The following HDAC1 variants were observed in gnomAD, a reference collection of about 807,000 sequenced individuals.
The protein encoded by HDAC1 is protein deacetylase HDAC1.
In HDAC1, 18 loss-of-function variants were observed where a neutral mutation model predicts 65.5. The ratio of observed to expected loss-of-function variants is 0.27; its 90% CI spans 0.19 to 0.41. The LOEUF (loss-of-function observed/expected upper bound fraction) is 0.41. Ranked by LOEUF, HDAC1 falls within the 10% of genes least tolerant of loss-of-function variation. The probability of loss-of-function intolerance (pLI) is 1.00; values close to 1 mark genes in which losing one functional copy is unlikely to be tolerated. For synonymous variants in HDAC1, 211 were observed against 227.9 expected, an observed-to-expected ratio of 0.93 and a Z score of 0.67; for missense variants, 373 against 625.2, an observed-to-expected ratio of 0.60 and a Z score of 4.30.
At chr1:32,306,276 C>T (rs566212294) in intron 2 of HDAC1, among the ~76,000 whole-genome samples, 24 of 151,108 alleles carry the variant, frequency 1.6e-4, no homozygotes, top group East Asian at 7.8e-4. Context: ...CTGCAATCTC[C>T]GCCTCCCTAG....
At chr1:32,320,264 C>G (rs977478075) in intron 3 of HDAC1, among the ~76,000 whole-genome samples, 2 of 151,288 alleles carry the variant, frequency 1.3e-5, no homozygotes, top group Non-Finnish European at 2.9e-5. Flanking sequence ...AAACATCCCA[C>G]ACACCTAATC....
intron 1 of HDAC1, among the ~76,000 whole-genome samples, chr1:32,295,657 A>G (rs1247198476): frequency 2.0e-5 from 3 of 152,220 alleles, no homozygotes; most frequent in African/African-American, 7.2e-5. Flanking sequence ...AACACCTCCC[A>G]AAAGGCTCCA....
chr1:32,320,865 A>C (rs1456821262), intron 3 of HDAC1, among the ~76,000 whole-genome samples: 2 of 133,438 alleles, frequency 1.5e-5, no homozygotes, highest in East Asian at 4.3e-4. Flanking sequence ...GCGCCACTGC[A>C]CTCCAGCCTG....
chr1:32,305,308 G>A (rs1357140148), intron 2 of HDAC1, among the ~76,000 whole-genome samples: 2 of 152,108 alleles, frequency 1.3e-5, no homozygotes, highest in Non-Finnish European at 2.9e-5. Context: ...GAACTTTCTT[G>A]AACATGTCTC....
At chr1:32,314,901 A>G (rs1292443364) in intron 2 of HDAC1, among the ~76,000 whole-genome samples, 2 of 151,802 alleles carry the variant, frequency 1.3e-5, no homozygotes, top group Non-Finnish European at 2.9e-5. Flanking sequence ...GTCTTTATTT[A>G]GAATTTTAGT....
chr1:32,329,507 T>A lies in HDAC1; in HGVS notation c.729+347T>A, dbSNP rs1034717802. The A allele has an allele frequency of 5.4e-6, 2 of 369,612 alleles. No homozygotes were observed. Among genetic ancestry groups the A allele is most frequent in the African/African-American group, 4.1e-5 (2 of 49,138 alleles). 22.9% of individuals were successfully genotyped at this position (369,612 alleles called of 1,614,324 possible). A position where few individuals can be genotyped will look rare whatever the true frequency, so the allele number is the denominator to read the frequency against. On this transcript the variant is annotated intron_variant, in intron 7 of 13. Transcript: ENST00000373548. The surrounding 1 kb of genome is among the most constrained non-coding windows in gnomAD (Gnocchi z 4.1). The stretch of plus-strand genomic sequence containing the variant: ...GCTGCTGGGAGATTATTGTGTTCTT[T>A]TGGTAGTGGTATGTCTCCTTGGTTT...
chr1:32,327,884 G>C lies in HDAC1; in HGVS notation c.636+207G>C, dbSNP rs1641240914. On this transcript the variant is annotated intron_variant, in intron 6 of 13. Coordinates refer to ENST00000373548, the MANE Select transcript of HDAC1 (RefSeq NM_004964.3). This position sits in a 1 kb window ranked among gnomAD's most constrained non-coding sequence, Gnocchi z 6.0. ...GACATAAAGGGCCAGAGAAAGAAGAGGGGTCTCCTGACTCACTGTACTTTC... is the reference window on the plus strand; with the variant it reads ...GACATAAAGGGCCAGAGAAAGAAGACGGGTCTCCTGACTCACTGTACTTTC... 5.0e-6 allele frequency: 3 copies of C among 605,940 alleles called. No homozygotes were observed. Among genetic ancestry groups the C allele is most frequent in the Non-Finnish European group, 9.0e-6 (3 of 334,750 alleles). The allele number at this position is 605,940 out of a possible 1,614,324, so 37.5% of individuals were successfully genotyped here.
At chr1:32,309,238 A>G (rs1640955455) in intron 2 of HDAC1, among the ~76,000 whole-genome samples, 1 of 152,204 alleles carries the variant, frequency 6.6e-6, no homozygotes, top group Non-Finnish European at 1.5e-5. Context: ...GCAAACATGC[A>G]ATTTATATGC....
intron 2 of HDAC1, among the ~76,000 whole-genome samples, chr1:32,309,745 C>A (rs1421921952): frequency 2.0e-5 from 3 of 151,232 alleles, no homozygotes; most frequent in Non-Finnish European, 4.4e-5. Flanking sequence ...AGTGGCTATT[C>A]CTAGGTGAGA....
chr1:32,306,857 A>G (rs1233343040), intron 2 of HDAC1, among the ~76,000 whole-genome samples: 10 of 152,180 alleles, frequency 6.6e-5, no homozygotes, highest in Admixed American at 6.6e-4. Flanking sequence ...CATACCTCTG[A>G]TAAAGCTTAA....
intron 3 of HDAC1, among the ~76,000 whole-genome samples, chr1:32,318,447 C>A (rs2148066040): frequency 1.3e-5 from 2 of 151,854 alleles, no homozygotes; most frequent in Middle Eastern, 6.8e-3. Flanking sequence ...CCTGTGGTCC[C>A]AGCTACTCAG....
rs1007573719 is a variant in HDAC1 at position 32,294,134 on chromosome 1, T to C, written c.49+1916T>C. ...GAAGAAGGCATGGATCCCAAGTTCC[T>C]GGTGTGGGCAGTATTTTTTATTTTT... is the stretch of plus-strand genomic sequence containing the variant. On this transcript the variant is annotated intron_variant, in intron 1 of 13. Transcript: ENST00000373548. 2.3e-4 allele frequency among the ~76,000 whole-genome samples: 35 copies of C among 151,796 alleles called. 1 individual carries two copies. The highest frequency in any genetic ancestry group is 3.9e-4 in the Admixed American group (6 of 15,230).
At chr1:32,319,907 C>T (rs1367547653) in intron 3 of HDAC1, among the ~76,000 whole-genome samples, 6 of 151,748 alleles carry the variant, frequency 4.0e-5, no homozygotes, top group Non-Finnish European at 7.4e-5. Context: ...ATAGCAAGAA[C>T]TCGTCTCAAT....
At chr1:32,313,355 A>G (rs1233006484) in intron 2 of HDAC1, among the ~76,000 whole-genome samples, 1 of 152,088 alleles carries the variant, frequency 6.6e-6, no homozygotes, top group East Asian at 1.9e-4. Flanking sequence ...TCGGCCTCCC[A>G]AAGTGCTGGG....
chr1:32,302,610 C>T lies in HDAC1; in HGVS notation c.50-11C>T. 7.3e-7 allele frequency: 1 copy of T among 1,378,764 alleles called. No homozygotes were observed. The highest frequency in any genetic ancestry group is 1.0e-6 in the Non-Finnish European group (1 of 964,852). 85.4% of individuals were successfully genotyped at this position (1,378,764 alleles called of 1,614,324 possible). On this transcript the variant is annotated splice_polypyrimidine_tract_variant and intron_variant, in intron 1 of 13. Coordinates refer to ENST00000373548, the MANE Select transcript of HDAC1 (RefSeq NM_004964.3). ...ACTGTGTTAGTGAAGCTGTCACTCT[C>T]TCTTCTTCAGGGGATGTTGGAAATT...
chr1:32,298,568 T>G (rs1557599353), intron 1 of HDAC1, among the ~76,000 whole-genome samples: 2 of 152,228 alleles, frequency 1.3e-5, no homozygotes, highest in Non-Finnish European at 2.9e-5. Context: ...GTCATTACTT[T>G]GGGATTCAGA....
intron 1 of HDAC1, among the ~76,000 whole-genome samples, chr1:32,298,466 G>A (rs1187773271): frequency 6.6e-6 from 1 of 151,650 alleles, no homozygotes; most frequent in African/African-American, 2.4e-5. Context: ...TGATCCACCC[G>A]CCTCGGCCCA....
At chr1:32,309,371 T>C (rs1640957448) in intron 2 of HDAC1, among the ~76,000 whole-genome samples, 1 of 151,352 alleles carries the variant, frequency 6.6e-6, no homozygotes, top group African/African-American at 2.4e-5. Context: ...TTTCTTCTCT[T>C]TCTCTCTCTC....
chr1:32,304,684 C>T (rs990188403), intron 2 of HDAC1, among the ~76,000 whole-genome samples: 2 of 152,090 alleles, frequency 1.3e-5, no homozygotes, highest in African/African-American at 2.4e-5. Context: ...ATTCTCCAGC[C>T]TCAGCCTGCC....
Sources: gnomAD v4.1 joint callset for allele counts (sites outside exome capture counted in the v4.1 genomes callset) on GRCh38, gnomAD v4.1.1 for gene constraint, Gnocchi (gnomAD v3.1) non-coding constraint, MANE v1.5 for transcripts, NCBI Gene and HGNC (gene_info 2026-07-23, HGNC 2026-07-21) for gene names.